Variants in OLA1 observed in about 807,000 individuals in gnomAD.
OLA1 encodes Obg like ATPase 1.
OLA1 carries 14 observed loss-of-function variants against 48.4 expected under a neutral mutation model. That is an observed-to-expected ratio of 0.29 (90% CI 0.19 to 0.45). OLA1 has a LOEUF of 0.45. Ranked by LOEUF, OLA1 falls within the 20% of genes least tolerant of loss-of-function variation. OLA1 has a pLI of 1.00. For synonymous variants in OLA1, 127 were observed against 150.4 expected (o/e 0.84, Z 1.14); for missense variants, 325 against 467.1 (o/e 0.70, Z 2.80).
intron 2 of OLA1, among the ~76,000 whole-genome samples, chr2:174,235,227 C>A (rs903873200): frequency 1.3e-5 from 2 of 152,102 alleles, no homozygotes; most frequent in Non-Finnish European, 2.9e-5. Flanking sequence ...CACACAGTTA[C>A]TGCTGAATAC....
At chr2:174,119,597 C>T (rs572339883) in intron 7 of OLA1, among the ~76,000 whole-genome samples, 2 of 151,916 alleles carry the variant, frequency 1.3e-5, no homozygotes, top group African/African-American at 4.8e-5. Context: ...ATATTTATTC[C>T]ATGATTCCCC....
Position 174,073,980 on chromosome 2 carries a change from T to C in OLA1, c.*1446A>G, listed in dbSNP as rs1684667353. 6.6e-6 allele frequency: 1 copy of C among 152,162 alleles called. No homozygotes were observed. Among genetic ancestry groups the C allele is most frequent in the African/African-American group, 2.4e-5 (1 of 41,446 alleles). 9.4% of individuals were successfully genotyped at this position (152,162 alleles called of 1,614,324 possible). On this transcript the variant is annotated 3_prime_UTR_variant, in exon 11 of 11. Transcript: ENST00000284719. ...GCAAAAGAAGATCACTATTTGATAC[T>C]AAAAAAATACTCACTGGAGAGCTTC...
At chr2:174,109,998 T>C (rs925734763) in intron 7 of OLA1, among the ~76,000 whole-genome samples, 2 of 152,096 alleles carry the variant, frequency 1.3e-5, no homozygotes, top group Non-Finnish European at 2.9e-5. Context: ...ACTGTTTCCT[T>C]CTTTGTGTTC....
intron 7 of OLA1, among the ~76,000 whole-genome samples, chr2:174,086,920 C>T (rs1025941099): frequency 2.6e-5 from 4 of 152,176 alleles, no homozygotes; most frequent in African/African-American, 9.7e-5. Context: ...TCTCTGAAGG[C>T]CATGCACCAT....
At chr2:174,107,248 A>G (rs1685534627) in intron 7 of OLA1, among the ~76,000 whole-genome samples, 2 of 152,292 alleles carry the variant, frequency 1.3e-5, no homozygotes, top group South Asian at 4.1e-4. Context: ...CTACTGACTC[A>G]CATTTTACTT....
intron 7 of OLA1, among the ~76,000 whole-genome samples, chr2:174,115,311 A>G (rs536434754): frequency 6.6e-6 from 1 of 152,358 alleles, no homozygotes; most frequent in African/African-American, 2.4e-5. Flanking sequence ...AGTGCTTCAT[A>G]ATTGGTAGCA....
intron 2 of OLA1, among the ~76,000 whole-genome samples, chr2:174,237,372 C>T (rs1267285972): frequency 6.6e-6 from 1 of 152,052 alleles, no homozygotes; most frequent in Admixed American, 6.5e-5. Context: ...TCTGGAATAC[C>T]TCCTGAAGGA....
intron 4 of OLA1, among the ~76,000 whole-genome samples, chr2:174,175,733 T>C (rs1687404902): frequency 6.6e-6 from 1 of 151,918 alleles, no homozygotes; most frequent in Non-Finnish European, 1.5e-5. Context: ...CCAAAAGAAA[T>C]AGAAACATAT....
At chr2:174,215,210 C>T (rs992829229) in intron 4 of OLA1, among the ~76,000 whole-genome samples, 32 of 152,116 alleles carry the variant, frequency 2.1e-4, no homozygotes, top group Non-Finnish European at 4.6e-4. Context: ...TGAAAGTGTT[C>T]TGTAGCCATA....
chr2:174,119,226 G>C (rs1685853178), intron 7 of OLA1, among the ~76,000 whole-genome samples: 1 of 151,804 alleles, frequency 6.6e-6, no homozygotes, highest in Non-Finnish European at 1.5e-5. Context: ...ATTCTGATCA[G>C]AGAAAGAAAT....
intron 4 of OLA1, among the ~76,000 whole-genome samples, chr2:174,160,289 G>A (rs1369395904): frequency 6.6e-6 from 1 of 152,010 alleles, no homozygotes; most frequent in Admixed American, 6.6e-5. Context: ...ATACAAAATT[G>A]TAAAACTATA....
At chr2:174,155,430 T>C (rs558613161) in intron 4 of OLA1, among the ~76,000 whole-genome samples, 2 of 152,308 alleles carry the variant, frequency 1.3e-5, no homozygotes, top group South Asian at 4.1e-4. Flanking sequence ...AATAAGACAT[T>C]TAGTGAGCAT....
At chr2:174,126,941 G>T (rs1686058579) in intron 5 of OLA1, among the ~76,000 whole-genome samples, 1 of 152,028 alleles carries the variant, frequency 6.6e-6, no homozygotes, top group Non-Finnish European at 1.5e-5. Flanking sequence ...CTCAAGTCAG[G>T]CTTCTAATCT....
chr2:174,180,073 A>G (rs1219853668), intron 4 of OLA1, among the ~76,000 whole-genome samples: 1 of 152,116 alleles, frequency 6.6e-6, no homozygotes, highest in Admixed American at 6.5e-5. Context: ...AGTTTATTTT[A>G]TAACATATAA....
chr2:174,226,030 TA>T (rs1195272670), intron 3 of OLA1, among the ~76,000 whole-genome samples: 163 of 98,594 alleles, frequency 1.7e-3, no homozygotes, highest in Non-Finnish European at 2.3e-3. Flanking sequence ...CCGTCTCTAC[TA>T]AAAAAAAATA....
chr2:174,244,776 C>T (rs1221566765), intron 2 of OLA1, among the ~76,000 whole-genome samples: 1 of 152,006 alleles, frequency 6.6e-6, no homozygotes, highest in Non-Finnish European at 1.5e-5. Flanking sequence ...AGGCTCCTGC[C>T]ACCATGTCCG....
At chr2:174,120,782 G>T (rs1685897542) in intron 7 of OLA1, among the ~76,000 whole-genome samples, 1 of 152,112 alleles carries the variant, frequency 6.6e-6, no homozygotes, top group Non-Finnish European at 1.5e-5. Flanking sequence ...TTCTGAAATG[G>T]TGACCTGCTA....
Position 174,163,707 on chromosome 2 carries a change from AATAAATATATATATAT to A in OLA1, c.374-21723_374-21708del, listed in dbSNP as rs1361925218. On this transcript the variant is annotated intron_variant, in intron 4 of 10. Transcript: ENST00000284719. Reference sequence around the variant, plus strand: ...CCTTGTCTCAAAAATAAAATAAATAAATAAATATATATATATATATATATATATATATATATATATA... The same window carrying A: ...CCTTGTCTCAAAAATAAAATAAATAAATATATATATATATATATATATATA... Among the ~76,000 whole-genome samples, 57 of 39,988 alleles carry A rather than the reference AATAAATATATATATAT, an allele frequency of 1.4e-3. 2 individuals are homozygous for A. The highest frequency in any genetic ancestry group is 4.6e-3 in the African/African-American group (42 of 9,066). The allele number at this position is 39,988 out of a possible 152,430, so 26.2% of individuals were successfully genotyped here.
chr2:174,137,639 A>G (rs1686342141), intron 5 of OLA1, among the ~76,000 whole-genome samples: 1 of 152,208 alleles, frequency 6.6e-6, no homozygotes, highest in South Asian at 2.1e-4. Flanking sequence ...TGCAGCTTCT[A>G]CATTAGCACT....
Sources: gnomAD v4.1 joint callset for allele counts (sites outside exome capture counted in the v4.1 genomes callset) on GRCh38, gnomAD v4.1.1 for gene constraint, MANE v1.5 for transcripts, NCBI Gene and HGNC (gene_info 2026-07-23, HGNC 2026-07-21) for gene names.